The following PPP1R1C variants were observed in gnomAD, a reference collection of about 807,000 sequenced individuals.
PPP1R1C encodes protein phosphatase 1 regulatory inhibitor subunit 1C, also known as protein phosphatase 1 regulatory subunit 1C.
PPP1R1C carries 15 observed loss-of-function variants against 17.4 expected under a neutral mutation model. The ratio of observed to expected loss-of-function variants is 0.86; its 90% CI spans 0.58 to 1.33. PPP1R1C has a LOEUF of 1.33. PPP1R1C is among the 40% of genes most tolerant of loss of function. The pLI, the probability that PPP1R1C is intolerant of heterozygous loss-of-function variation, is 0.00. For missense variants in PPP1R1C, 143 were observed against 130.0 expected (o/e 1.10, Z -0.48); for synonymous variants, 35 against 43.1 (o/e 0.81, Z 0.73).
chr2:182,065,262 G>T (rs1687954670), intron 4 of PPP1R1C, among the ~76,000 whole-genome samples: 1 of 152,030 alleles, frequency 6.6e-6, no homozygotes, highest in Admixed American at 6.6e-5. Flanking sequence ...AGTCACATAG[G>T]TTCTCATTTA....
intron 2 of PPP1R1C, among the ~76,000 whole-genome samples, chr2:181,997,391 T>A (rs1559050117): frequency 6.6e-6 from 1 of 152,142 alleles, no homozygotes; most frequent in Non-Finnish European, 1.5e-5. Context: ...CTAAGTAACC[T>A]GACTTACAAA....
intron 4 of PPP1R1C, among the ~76,000 whole-genome samples, chr2:182,071,483 A>G (rs1688138825): frequency 6.6e-6 from 1 of 152,182 alleles, no homozygotes; most frequent in Admixed American, 6.5e-5. Context: ...TTTGACCTTG[A>G]TCACCTGGCT....
chr2:182,059,424 C>T (rs1036517353), intron 2 of PPP1R1C, among the ~76,000 whole-genome samples: 3 of 151,392 alleles, frequency 2.0e-5, no homozygotes, highest in Admixed American at 1.3e-4. Flanking sequence ...TATTCTTATG[C>T]TTCATGTGGG....
At chr2:182,121,844 A>G (rs1041950164), downstream of PPP1R1C, among the ~76,000 whole-genome samples, 85 of 152,198 alleles carry the variant, frequency 5.6e-4, no homozygotes, top group African/African-American at 2.0e-3. Flanking sequence ...AAGCCAACCA[A>G]AAGTTTTGAT....
chr2:182,097,381 C>T (rs1404893956), intron 4 of PPP1R1C, among the ~76,000 whole-genome samples: 1 of 152,158 alleles, frequency 6.6e-6, no homozygotes, highest in Non-Finnish European at 1.5e-5. Context: ...GATTTGTCTT[C>T]TAGTAAGTTA....
At chr2:181,995,717 C>G (rs1210396566) in intron 2 of PPP1R1C, among the ~76,000 whole-genome samples, 1 of 150,734 alleles carries the variant, frequency 6.6e-6, no homozygotes, top group African/African-American at 2.4e-5. Flanking sequence ...AAGCTGTGTG[C>G]TTGATGGAAA....
intron 2 of PPP1R1C, among the ~76,000 whole-genome samples, chr2:182,004,899 G>A (rs1685871637): frequency 6.6e-6 from 1 of 152,106 alleles, no homozygotes; most frequent in South Asian, 2.1e-4. Context: ...ATAGATGCTG[G>A]GGCCTTTTCT....
chr2:182,039,797 AC>A (rs1687126574), intron 2 of PPP1R1C, among the ~76,000 whole-genome samples: 1 of 150,958 alleles, frequency 6.6e-6, no homozygotes, highest in African/African-American at 2.4e-5. Flanking sequence ...TTAATCCTTC[AC>A]CCCCCTCACC....
chr2:182,046,731 C>T (rs1264929399), intron 2 of PPP1R1C, among the ~76,000 whole-genome samples: 2 of 148,766 alleles, frequency 1.3e-5, no homozygotes, highest in African/African-American at 5.0e-5. Flanking sequence ...GAGCGAGTCT[C>T]TGTCTCAAGA....
chr2:182,045,144 T>G (rs1185815444), intron 2 of PPP1R1C, among the ~76,000 whole-genome samples: 1 of 152,184 alleles, frequency 6.6e-6, no homozygotes, highest in Non-Finnish European at 1.5e-5. Context: ...AAATTACATT[T>G]GAGACAAGAA....
chr2:182,020,551 A>G lies in PPP1R1C; in HGVS notation c.142+32652A>G, dbSNP rs372903009. Among the ~76,000 whole-genome samples the G allele has an allele frequency of 2.0e-5, 3 of 152,264 alleles. No homozygotes were observed. The East Asian group carries it at 5.8e-4, about 29-fold the overall frequency. On this transcript the variant is annotated intron_variant, in intron 2 of 4. Coordinates refer to ENST00000682840, the MANE Select transcript of PPP1R1C (RefSeq NM_001080545.3). ...ACACTGTTTTGCATCTGTTTCCCTG[A>G]CAGCCTCAGAAGAAACCACAACTCT... is the stretch of plus-strand genomic sequence containing the variant.
chr2:182,106,816 C>T (rs554241409), intron 4 of PPP1R1C, among the ~76,000 whole-genome samples: 4 of 152,276 alleles, frequency 2.6e-5, no homozygotes, highest in Non-Finnish European at 4.4e-5. Context: ...GCTGTAAACA[C>T]TCAATCCTAG....
rs1689619603 is a variant in PPP1R1C at position 182,117,368 on chromosome 2, C to T, written c.*73C>T. The T allele has an allele frequency of 3.6e-6, 4 of 1,099,438 alleles. No homozygotes were observed. In the Admixed American group the frequency reaches 9.4e-5, roughly 26 times the overall value. 68.1% of individuals were successfully genotyped at this position (1,099,438 alleles called of 1,614,324 possible). A position where few individuals can be genotyped will look rare whatever the true frequency, so the allele number is the denominator to read the frequency against. ...ACTTTTCTGAGTATACCATGGAATT[C>T]CACTGCTTGACTTCCAGAAGCATCC... On this transcript the variant is annotated 3_prime_UTR_variant, in exon 5 of 5. Transcript: ENST00000682840.
chr2:181,997,037 G>C (rs1391311883), intron 2 of PPP1R1C, among the ~76,000 whole-genome samples: 1 of 152,044 alleles, frequency 6.6e-6, no homozygotes, highest in Admixed American at 6.6e-5. Context: ...AGACCATCCT[G>C]GCTAACATGG....
intron 1 of PPP1R1C, among the ~76,000 whole-genome samples, chr2:181,974,435 T>A (rs1685062181): frequency 1.3e-5 from 2 of 152,224 alleles, no homozygotes; most frequent in Non-Finnish European, 2.9e-5. Context: ...GTATCTTAAC[T>A]GCACTTTAAT....
chr2:182,027,190 A>G lies in PPP1R1C; in HGVS notation c.143-34252A>G, dbSNP rs1356690990. On this transcript the variant is annotated intron_variant, in intron 2 of 4. Transcript: ENST00000682840. ...ATTTGACTTCCTCTTTTCCTAATTGAATACCCTTTATTTCCTTCTCCTGCC... is the reference window on the plus strand; with the variant it reads ...ATTTGACTTCCTCTTTTCCTAATTGGATACCCTTTATTTCCTTCTCCTGCC... 3.2e-3 allele frequency among the ~76,000 whole-genome samples: 389 copies of G among 120,356 alleles called. 7 individuals are homozygous for G. The highest frequency in any genetic ancestry group is 0.013 in the African/African-American group (371 of 29,570). The allele number at this position is 120,356 out of a possible 152,430, so 79.0% of individuals were successfully genotyped here. A position where few individuals can be genotyped will look rare whatever the true frequency, so the allele number is the denominator to read the frequency against.
rs113183237 is a variant in PPP1R1C, at chr2:182,067,761, G to T, written c.241+3970G>T. 2.7e-3 allele frequency among the ~76,000 whole-genome samples: 408 copies of T among 152,250 alleles called. 1 individual carries two copies. The highest frequency in any genetic ancestry group is 3.9e-3 in the Non-Finnish European group (266 of 67,998). The stretch of plus-strand genomic sequence containing the variant: ...TTATGACCCAAGACGCACAGTTAAG[G>T]CAAGCCACATATGCATCCGCAGTGG... On this transcript the variant is annotated intron_variant, in intron 4 of 4. Coordinates refer to ENST00000682840, the MANE Select transcript of PPP1R1C (RefSeq NM_001080545.3).
At chr2:181,971,510 C>T (rs1399100739) in intron 1 of PPP1R1C, among the ~76,000 whole-genome samples, 1 of 152,168 alleles carries the variant, frequency 6.6e-6, no homozygotes, top group Non-Finnish European at 1.5e-5. Flanking sequence ...TCTTTTGGTG[C>T]TACAAGCTGT....
chr2:182,069,410 A>C (rs1225185576), intron 4 of PPP1R1C, among the ~76,000 whole-genome samples: 1 of 151,812 alleles, frequency 6.6e-6, no homozygotes, highest in Non-Finnish European at 1.5e-5. Context: ...CAGGTTGGAG[A>C]AGCAATTTGA....
Sources: allele counts gnomAD v4.1 joint callset (sites outside exome capture counted in the v4.1 genomes callset), GRCh38; gene constraint gnomAD v4.1.1; transcripts MANE v1.5; gene names NCBI Gene and HGNC (gene_info 2026-07-23, HGNC 2026-07-21).